Variants in NRXN3 observed in about 807,000 individuals in gnomAD.
NRXN3 encodes neurexin III.
A neutral mutation model predicts 137.6 loss-of-function variants in NRXN3; 32 were observed. That is an observed-to-expected ratio of 0.23 (90% CI 0.18 to 0.31). NRXN3 has a LOEUF of 0.31. Ranked by LOEUF, NRXN3 falls within the 10% of genes least tolerant of loss-of-function variation. The pLI, the probability that NRXN3 is intolerant of heterozygous loss-of-function variation, is 1.00. For missense variants in NRXN3, 1,574 were observed against 2,062.5 expected (o/e 0.76, Z 4.59); for synonymous variants, 798 against 784.5 (o/e 1.02, Z -0.29).
At chr14:78,801,177 C>T (rs966479258) in intron 8 of NRXN3, among the ~76,000 whole-genome samples, 3 of 152,044 alleles carry the variant, frequency 2.0e-5, no homozygotes, top group Non-Finnish European at 2.9e-5. Context: ...AAAAATTAGC[C>T]GCACATGGTG....
rs576214418 is a variant in NRXN3, at chr14:78,251,832, C to T, written c.709+8030C>T. On this transcript the variant is annotated intron_variant, in intron 2 of 20. Coordinates refer to ENST00000335750, the MANE Select transcript of NRXN3 (RefSeq NM_001330195.2). Reference sequence around the variant, plus strand: ...CATCCTCCTGAGGGTTTTTTCCCTGCTGAAGTTGGGAGGTTTAGTTTGCTG... The same window carrying T: ...CATCCTCCTGAGGGTTTTTTCCCTGTTGAAGTTGGGAGGTTTAGTTTGCTG... 2.7e-4 allele frequency among the ~76,000 whole-genome samples: 41 copies of T among 152,190 alleles called. No individual in the cohort carries two copies. In the Middle Eastern group the frequency reaches 0.017, roughly 63 times the overall value.
intron 19 of NRXN3, among the ~76,000 whole-genome samples, chr14:79,765,000 C>T (rs1603471438): frequency 6.6e-6 from 1 of 152,182 alleles, no homozygotes; most frequent in East Asian, 1.9e-4. Flanking sequence ...AAATTTGTCT[C>T]GCCCACTTCT....
rs550651225 is a variant in NRXN3 at position 78,422,272 on chromosome 14, G to C, written c.757+124412G>C. ...TCAGGTTTCCTCTTTGAATGCCCTT[G>C]TAACACTTCAGAACTCTTATCATTG... On this transcript the variant is annotated intron_variant, in intron 4 of 20. Coordinates refer to ENST00000335750, the MANE Select transcript of NRXN3 (RefSeq NM_001330195.2). 5.3e-5 allele frequency among the ~76,000 whole-genome samples: 8 copies of C among 152,306 alleles called. No homozygotes were observed. In the East Asian group the frequency reaches 1.5e-3, roughly 29 times the overall value.
At chr14:78,825,953 G>A (rs1408481286) in intron 10 of NRXN3, among the ~76,000 whole-genome samples, 1 of 152,190 alleles carries the variant, frequency 6.6e-6, no homozygotes, top group Admixed American at 6.5e-5. Flanking sequence ...ATCTGTCCCT[G>A]ATAAAGTTGA....
intron 4 of NRXN3, among the ~76,000 whole-genome samples, chr14:78,399,593 T>C (rs1481072275): frequency 5.3e-5 from 8 of 152,208 alleles, no homozygotes. Context: ...TTAACCTTTT[T>C]AAATACCAGC....
At chr14:79,527,186 C>A (rs140121688) in intron 16 of NRXN3, among the ~76,000 whole-genome samples, 1 of 144,642 alleles carries the variant, frequency 6.9e-6, no homozygotes, top group African/African-American at 2.5e-5. Context: ...CCTAGCTACT[C>A]GGGAGGCTGA....
chr14:79,862,289 T>G lies in NRXN3; in HGVS notation c.*325T>G. 4.7e-6 allele frequency: 1 copy of G among 214,414 alleles called. No homozygotes were observed. 13.3% of individuals were successfully genotyped at this position (214,414 alleles called of 1,614,324 possible). ...CCACCACTTCCGCAGGCCTGGAAAC[T>G]TCCTTCTCCGGAGGACCTTTTACTA... On this transcript the variant is annotated 3_prime_UTR_variant, in exon 21 of 21. Transcript: ENST00000335750.
chr14:79,451,013 A>C (rs554013460), intron 15 of NRXN3, among the ~76,000 whole-genome samples: 1 of 152,288 alleles, frequency 6.6e-6, no homozygotes, highest in Admixed American at 6.5e-5. Flanking sequence ...TGTTTCCACC[A>C]GTCATCACTG....
intron 3 of NRXN3, among the ~76,000 whole-genome samples, chr14:78,288,887 A>G (rs1045015125): frequency 2.0e-5 from 3 of 152,242 alleles, no homozygotes; most frequent in Non-Finnish European, 4.4e-5. Flanking sequence ...ACTCATGGGC[A>G]TGATAGGAAG....
At chr14:79,245,359 A>C (rs1052840243) in intron 15 of NRXN3, among the ~76,000 whole-genome samples, 1 of 151,894 alleles carries the variant, frequency 6.6e-6, no homozygotes, top group South Asian at 2.1e-4. Context: ...ACAGGGAGAG[A>C]CCATGGGAAG....
chr14:79,379,019 T>C (rs2094389463), intron 15 of NRXN3, among the ~76,000 whole-genome samples: 1 of 152,214 alleles, frequency 6.6e-6, no homozygotes, highest in Non-Finnish European at 1.5e-5. Flanking sequence ...CTCAGGTCAC[T>C]GTGGACGATA....
chr14:78,260,464 A>C (rs2070501305), intron 2 of NRXN3, among the ~76,000 whole-genome samples: 2 of 152,144 alleles, frequency 1.3e-5, no homozygotes, highest in South Asian at 4.1e-4. Context: ...CATGCTCCTG[A>C]GTAGGCCTTG....
intron 15 of NRXN3, among the ~76,000 whole-genome samples, chr14:79,229,316 GA>G (rs573686601): frequency 1.4e-4 from 21 of 152,230 alleles, no homozygotes; most frequent in African/African-American, 4.8e-4. Flanking sequence ...TCTCCAAGTT[GA>G]AACATCTATT....
intron 4 of NRXN3, among the ~76,000 whole-genome samples, chr14:78,417,492 A>G (rs1478938800): frequency 6.6e-6 from 1 of 152,170 alleles, no homozygotes; most frequent in African/African-American, 2.4e-5. Flanking sequence ...ACATAGCATT[A>G]TTATGACTTA....
At chr14:78,862,412 G>A (rs2099074986) in intron 10 of NRXN3, among the ~76,000 whole-genome samples, 1 of 152,022 alleles carries the variant, frequency 6.6e-6, no homozygotes. Flanking sequence ...CTTTAAGGGA[G>A]CAGTAAATTT....
chr14:79,166,034 C>T (rs561450515), intron 15 of NRXN3, among the ~76,000 whole-genome samples: 18 of 152,120 alleles, frequency 1.2e-4, no homozygotes, highest in Admixed American at 6.5e-4. Context: ...ATATTAAAAA[C>T]GCATGCCCTT....
At chr14:78,339,814 TGAA>T (rs1314919978) in intron 4 of NRXN3, among the ~76,000 whole-genome samples, 5 of 152,158 alleles carry the variant, frequency 3.3e-5, no homozygotes, top group Non-Finnish European at 4.4e-5. Flanking sequence ...CTGGAATTCC[TGAA>T]GAAAAGTAGA....
intron 4 of NRXN3, among the ~76,000 whole-genome samples, chr14:78,495,694 G>A (rs2095767157): frequency 6.6e-6 from 1 of 152,006 alleles, no homozygotes; most frequent in Non-Finnish European, 1.5e-5. Flanking sequence ...GTCATTTGGA[G>A]GTCATTTTGG....
Position 79,861,317 on chromosome 14 carries a change from TAC to T in NRXN3, c.4094-22_4094-21del. 2 of 1,536,136 alleles carry T rather than the reference TAC, an allele frequency of 1.3e-6. No homozygotes were observed. The highest frequency in any genetic ancestry group is 1.7e-6 in the Non-Finnish European group (2 of 1,146,920). The stretch of plus-strand genomic sequence containing the variant: ...GCCCCCTACTGATGATGAAGATTTT[TAC>T]ACCACCTTCTCCTTGGTAACAGATA... On this transcript the variant is annotated intron_variant, in intron 20 of 20. Coordinates refer to ENST00000335750, the MANE Select transcript of NRXN3 (RefSeq NM_001330195.2). The surrounding 1 kb of genome is among the most constrained non-coding windows in gnomAD (Gnocchi z 5.4).
Sources: gnomAD v4.1 joint callset for allele counts (sites outside exome capture counted in the v4.1 genomes callset) on GRCh38, gnomAD v4.1.1 for gene constraint, Gnocchi (gnomAD v3.1) non-coding constraint, MANE v1.5 for transcripts, NCBI Gene and HGNC (gene_info 2026-07-23, HGNC 2026-07-21) for gene names.